KATNAL1: variants seen among roughly 807,000 people sequenced by gnomAD.
KATNAL1 encodes katanin catalytic subunit A1 like 1, also known as katanin p60 ATPase-containing subunit A-like 1.
KATNAL1 carries 32 observed loss-of-function variants against 55.2 expected under a neutral mutation model. The ratio of observed to expected loss-of-function variants is 0.58; its 90% CI spans 0.44 to 0.78. The LOEUF (loss-of-function observed/expected upper bound fraction) is 0.78. Among genes scored for constraint, KATNAL1 ranks in the 30% least tolerant of loss-of-function variants. KATNAL1 has a pLI of 0.00. For synonymous variants in KATNAL1, 193 were observed against 193.6 expected (o/e 1.00, Z 0.02); for missense variants, 466 against 600.9 (o/e 0.78, Z 2.35).
intron 5 of KATNAL1, 57 bp from the exon 6 acceptor site, chr13:30,240,622 C>T: frequency 8.4e-7 from 1 of 1,187,308 alleles, no homozygotes; most frequent in Non-Finnish European, 1.2e-6. Flanking sequence ...GATTTATGGT[C>T]AAAACTAATT....
At chr13:30,262,300 T>C (rs1312965633) in intron 3 of KATNAL1, among the ~76,000 whole-genome samples, 1 of 151,374 alleles carries the variant, frequency 6.6e-6, no homozygotes. Flanking sequence ...AACATCACAA[T>C]TAAAAGAACT....
chr13:30,297,417 A>C (rs1008922719), intron 1 of KATNAL1, among the ~76,000 whole-genome samples: 1 of 152,216 alleles, frequency 6.6e-6, no homozygotes, highest in Non-Finnish European at 1.5e-5. Flanking sequence ...TGCAGCGAAA[A>C]GGGAATACTT....
chr13:30,273,930 G>A (rs1273973533), intron 3 of KATNAL1, among the ~76,000 whole-genome samples: 79 of 152,042 alleles, frequency 5.2e-4, no homozygotes, highest in Admixed American at 5.2e-3. Flanking sequence ...ACCAAATCCA[G>A]TCCATTCTAA....
chr13:30,259,246 A>G (rs573356229), intron 3 of KATNAL1, among the ~76,000 whole-genome samples: 1 of 152,280 alleles, frequency 6.6e-6, no homozygotes, highest in African/African-American at 2.4e-5. Flanking sequence ...AGGCTGAGGC[A>G]GGAGAATCAC....
In KATNAL1 at chr13:30,283,716, T is replaced by C. The variant is rs747693708; in HGVS notation, c.62A>G (p.Asn21Ser). ...KKGREYALLG[N>S]YDSSMVYYQG... ...GTAATATACCATTGATGAGTCGTAA[T>C]TTCCAAGAAGGGCATATTCTCTTCC... Residue 21 changes from asparagine to serine, a missense_variant, in exon 2 of 11, where the codon AAT becomes AGT. By Grantham distance (46) the Asn-to-Ser change is conservative (BLOSUM62 1). Coordinates refer to ENST00000380615, the MANE Select transcript of KATNAL1 (RefSeq NM_032116.5). The C allele has an allele frequency of 2.5e-6, 4 of 1,613,972 alleles. No individual in the cohort carries two copies. In the Admixed American group the frequency reaches 6.7e-5, roughly 27 times the overall value.
intron 1 of KATNAL1, among the ~76,000 whole-genome samples, chr13:30,304,588 G>A (rs972561529): frequency 1.3e-5 from 2 of 152,130 alleles, no homozygotes; most frequent in African/African-American, 4.8e-5. Flanking sequence ...TCTTAAATGA[G>A]AGTTCCATAT....
chr13:30,225,124 G>C (rs1875311597), intron 9 of KATNAL1, among the ~76,000 whole-genome samples: 1 of 152,106 alleles, frequency 6.6e-6, no homozygotes, highest in South Asian at 2.1e-4. Flanking sequence ...TCTTCTGTAG[G>C]AAAGTCCATT....
At chr13:30,307,012 A>ATT (rs10624978) in intron 1 of KATNAL1, 23,855 of 151,030 alleles carry the variant, frequency 0.16, 2,069 homozygotes, top group South Asian at 0.25. Flanking sequence ...ACAAAGAGAG[A>ATT]TTTTTTTTTC....
chr13:30,277,982 C>CAAAAAAAAAAAAAAA (rs55683675), intron 3 of KATNAL1, among the ~76,000 whole-genome samples: 2 of 61,312 alleles, frequency 3.3e-5, no homozygotes, highest in African/African-American at 1.4e-4. Flanking sequence ...GACTCCGTCT[C>CAAAAAAAAAAAAAAA]AAAAAAAAAA....
intron 3 of KATNAL1, among the ~76,000 whole-genome samples, chr13:30,267,810 A>C (rs1379638435): frequency 6.6e-6 from 1 of 152,226 alleles, no homozygotes; most frequent in African/African-American, 2.4e-5. Context: ...CATGAGCTAA[A>C]GACATGGCAG....
intron 1 of KATNAL1, among the ~76,000 whole-genome samples, chr13:30,291,774 G>C (rs1363991814): frequency 1.3e-5 from 2 of 152,140 alleles, no homozygotes; most frequent in South Asian, 2.1e-4. Context: ...GGTGACTCAT[G>C]CCTGTAATCC....
chr13:30,216,768 GA>G (rs1348642150), intron 9 of KATNAL1, among the ~76,000 whole-genome samples: 1 of 152,230 alleles, frequency 6.6e-6, no homozygotes, highest in Non-Finnish European at 1.5e-5. Context: ...GTCCAGGTAA[GA>G]ACTGATGTTA....
At chr13:30,279,095 C>T (rs940237569) in intron 3 of KATNAL1, among the ~76,000 whole-genome samples, 4 of 152,094 alleles carry the variant, frequency 2.6e-5, no homozygotes, top group Non-Finnish European at 5.9e-5. Flanking sequence ...GTATTTTCTA[C>T]GGTGCAATAC....
intron 3 of KATNAL1, among the ~76,000 whole-genome samples, chr13:30,272,631 C>A (rs575930447): frequency 6.6e-6 from 1 of 151,862 alleles, no homozygotes; most frequent in Non-Finnish European, 1.5e-5. Context: ...CTTTCAGTTG[C>A]CTTTTCTGTA....
chr13:30,296,889 GCCTTCTCATGCCTCCTC>G, intron 1 of KATNAL1, among the ~76,000 whole-genome samples: 2 of 152,148 alleles, frequency 1.3e-5, no homozygotes, highest in Admixed American at 1.3e-4. Context: ...CTAGGCCAAG[GCCTTCTCATGCCTCCTC>G]CTGGGAGCTG....
intron 1 of KATNAL1, among the ~76,000 whole-genome samples, chr13:30,298,569 A>C (rs1382793164): frequency 3.9e-5 from 6 of 152,222 alleles, no homozygotes; most frequent in African/African-American, 1.2e-4. Flanking sequence ...AGCAAAATTA[A>C]GGCCTTTTTA....
intron 2 of KATNAL1, among the ~76,000 whole-genome samples, chr13:30,280,471 C>A (rs11619861): frequency 3.3e-5 from 5 of 152,072 alleles, no homozygotes; most frequent in African/African-American, 7.2e-5. Flanking sequence ...AATTCCATTT[C>A]TACCAAAGAA....
At chr13:30,243,851 C>A (rs1344623004) in intron 4 of KATNAL1, among the ~76,000 whole-genome samples, 1 of 152,150 alleles carries the variant, frequency 6.6e-6, no homozygotes. Flanking sequence ...CACTGCCTCT[C>A]ACTTGCCTAA....
At position 30,225,317 on chromosome 13, in the gene KATNAL1, G is replaced by T. The variant is rs371319381; in HGVS notation, c.1147+2095C>A. Among the ~76,000 whole-genome samples the T allele has an allele frequency of 2.9e-4, 44 of 152,034 alleles. No homozygotes were observed. In the Middle Eastern group the frequency reaches 0.01, roughly 35 times the overall value. On this transcript the variant is annotated intron_variant, in intron 9 of 10. Transcript: ENST00000380615. ...GAACCAGACATGAACTATATAATCA[G>T]CTTCCACAATCTCCCATAACTATTT...
Sources: allele counts gnomAD v4.1 joint callset (sites outside exome capture counted in the v4.1 genomes callset), GRCh38; gene constraint gnomAD v4.1.1; transcripts MANE v1.5; gene names NCBI Gene and HGNC (gene_info 2026-07-23, HGNC 2026-07-21).